Variants in CLNK observed in about 807,000 individuals in gnomAD.
CLNK encodes cytokine dependent hematopoietic cell linker, also known as cytokine-dependent hematopoietic cell linker.
A neutral mutation model predicts 68.6 loss-of-function variants in CLNK; 74 were observed. The observed-to-expected ratio is 1.08, with a 90% CI of 0.89 to 1.31. The LOEUF is 1.31. CLNK is among the 50% of genes most tolerant of loss of function. The probability of loss-of-function intolerance (pLI) is 0.00; values close to 1 mark genes in which losing one functional copy is unlikely to be tolerated. For missense variants in CLNK, 553 were observed against 515.3 expected, an observed-to-expected ratio of 1.07 and a Z score of -0.71; for synonymous variants, 198 against 172.2, an observed-to-expected ratio of 1.15 and a Z score of -1.17.
intron 2 of CLNK, among the ~76,000 whole-genome samples, chr4:10,641,328 G>C (rs572682948): frequency 1.3e-5 from 2 of 152,310 alleles, no homozygotes; most frequent in Non-Finnish European, 2.9e-5. Flanking sequence ...TGGAGGTAGA[G>C]AGACAGCAGG....
At position 10,667,842 on chromosome 4, in the gene CLNK, G is replaced by T. The variant is rs1724467270; in HGVS notation, c.11+17C>A. The T allele has an allele frequency of 1.3e-6, 2 of 1,579,876 alleles. No individual in the cohort carries two copies. The highest frequency in any genetic ancestry group is 3.5e-5 in the Admixed American group (2 of 57,216). On this transcript the variant is annotated intron_variant, in intron 2 of 18. Coordinates refer to ENST00000226951, the MANE Select transcript of CLNK (RefSeq NM_052964.4). The stretch of plus-strand genomic sequence containing the variant: ...AGAAAAGGGAACTGGGGCTCACAGT[G>T]ATCCCACGGTACTTACTGCCTGTTC...
the CLNK span, among the ~76,000 whole-genome samples, chr4:10,726,247 G>A: frequency 3.3e-5 from 5 of 152,114 alleles, no homozygotes; most frequent in Non-Finnish European, 7.4e-5. Flanking sequence ...TCACGCCTCA[G>A]GTAGCTGGGA....
chr4:10,687,108 A>G (rs1008651178), upstream of CLNK, among the ~76,000 whole-genome samples: 1 of 152,070 alleles, frequency 6.6e-6, no homozygotes, highest in Non-Finnish European at 1.5e-5. Flanking sequence ...TGCAATGAAT[A>G]GTGCCTGATC....
chr4:10,670,551 G>C (rs747561155), intron 1 of CLNK, among the ~76,000 whole-genome samples: 8 of 152,248 alleles, frequency 5.3e-5, no homozygotes, highest in Non-Finnish European at 1.2e-4. Flanking sequence ...GTTCTGGCAA[G>C]GTGGCCAATG....
chr4:10,602,404 A>G (rs1174591801), intron 2 of CLNK, among the ~76,000 whole-genome samples: 1 of 152,196 alleles, frequency 6.6e-6, no homozygotes, highest in Non-Finnish European at 1.5e-5. Context: ...AGATCAGATG[A>G]TCTTGGGTTA....
chr4:10,499,052 A>T (rs1235947464), intron 18 of CLNK, among the ~76,000 whole-genome samples: 3 of 139,826 alleles, frequency 2.1e-5, no homozygotes, highest in African/African-American at 7.9e-5. Context: ...AGTACCAGGC[A>T]TTATCAGTAC....
intron 2 of CLNK, among the ~76,000 whole-genome samples, chr4:10,663,789 G>T (rs1724285976): frequency 6.6e-6 from 1 of 152,158 alleles, no homozygotes; most frequent in South Asian, 2.1e-4. Context: ...CCAAGGTAAG[G>T]GTATTAAAAG....
chr4:10,619,945 T>C (rs1017593656), intron 2 of CLNK, among the ~76,000 whole-genome samples: 6 of 152,156 alleles, frequency 3.9e-5, no homozygotes, highest in African/African-American at 1.2e-4. Flanking sequence ...TACTCTGTGT[T>C]AATCGCTGGT....
At chr4:10,667,700 TGAACAC>T in intron 2 of CLNK, among the ~76,000 whole-genome samples, 153 bp downstream of exon 2, 1 of 79,556 alleles carries the variant, frequency 1.3e-5, no homozygotes, top group Non-Finnish European at 2.7e-5. Flanking sequence ...AGGAGTGTTC[TGAACAC>T]CAAAGCCCAC....
chr4:10,509,227 T>G (rs1347564276), intron 16 of CLNK, among the ~76,000 whole-genome samples: 5 of 152,008 alleles, frequency 3.3e-5, no homozygotes, highest in Admixed American at 2.0e-4. Context: ...AAAGTAAACC[T>G]GATATATTAA....
chr4:10,698,847 C>T, the CLNK span, among the ~76,000 whole-genome samples: 1 of 152,128 alleles, frequency 6.6e-6, no homozygotes, highest in African/African-American at 2.4e-5. Context: ...GATTGCTCTC[C>T]CTGCTGCAGG....
chr4:10,582,639 G>T (rs960969475), intron 4 of CLNK, among the ~76,000 whole-genome samples: 5 of 152,026 alleles, frequency 3.3e-5, no homozygotes, highest in African/African-American at 1.2e-4. Context: ...TTGACAGACT[G>T]TCCCAGTTGG....
rs1716449747 is a variant in CLNK at position 10,488,970 on chromosome 4, T to C, written c.*1497A>G. The C allele has an allele frequency of 6.6e-6, 1 of 152,246 alleles. No individual in the cohort carries two copies. The highest frequency in any genetic ancestry group is 1.5e-5 in the Non-Finnish European group (1 of 68,038). 9.4% of individuals were successfully genotyped at this position (152,246 alleles called of 1,614,324 possible). A position where few individuals can be genotyped will look rare whatever the true frequency, so the allele number is the denominator to read the frequency against. Reference sequence around the variant, plus strand: ...ATACTGTTATTTTCGACAGACAGTATGTTTTTTAAAAAAGCTTATTCCCAC... The same window carrying C: ...ATACTGTTATTTTCGACAGACAGTACGTTTTTTAAAAAAGCTTATTCCCAC... On this transcript the variant is annotated 3_prime_UTR_variant, in exon 19 of 19. Coordinates refer to ENST00000226951, the MANE Select transcript of CLNK (RefSeq NM_052964.4).
chr4:10,672,843 G>C (rs900673968), intron 1 of CLNK, among the ~76,000 whole-genome samples: 1 of 152,172 alleles, frequency 6.6e-6, no homozygotes, highest in Non-Finnish European at 1.5e-5. Flanking sequence ...CTGGCAGCTT[G>C]TCAGTGAACA....
intron 2 of CLNK, among the ~76,000 whole-genome samples, chr4:10,607,242 C>A (rs150703021): frequency 6.6e-6 from 1 of 152,292 alleles, no homozygotes; most frequent in Non-Finnish European, 1.5e-5. Context: ...GTAAGAAGAA[C>A]AAGGACAGGT....
At chr4:10,570,661 G>T (rs1720306952) in intron 5 of CLNK, among the ~76,000 whole-genome samples, 1 of 152,238 alleles carries the variant, frequency 6.6e-6, no homozygotes, top group South Asian at 2.1e-4. Flanking sequence ...AAGAGTCAAT[G>T]AGTTTATGAA....
At chr4:10,661,594 T>C (rs1577204215) in intron 2 of CLNK, among the ~76,000 whole-genome samples, 2 of 152,340 alleles carry the variant, frequency 1.3e-5, no homozygotes, top group East Asian at 1.9e-4. Context: ...GGAGAATGAC[T>C]AGCACAGTGC....
At chr4:10,545,825 G>T (rs13130978) in intron 8 of CLNK, among the ~76,000 whole-genome samples, 94,248 of 151,952 alleles carry the variant, frequency 0.62, 30,958 homozygotes, top group Non-Finnish European at 0.76. Flanking sequence ...TGCAGAATTA[G>T]CACCACACAG....
chr4:10,660,808 T>A (rs1370693963), intron 2 of CLNK, among the ~76,000 whole-genome samples: 1 of 152,246 alleles, frequency 6.6e-6, no homozygotes, highest in Non-Finnish European at 1.5e-5. Context: ...CTGCTGCTCC[T>A]GCAAAAGTAT....
Sources: allele counts gnomAD v4.1 joint callset (sites outside exome capture counted in the v4.1 genomes callset), GRCh38; gene constraint gnomAD v4.1.1; transcripts MANE v1.5; gene names NCBI Gene and HGNC (gene_info 2026-07-23, HGNC 2026-07-21).